Variants in ITGBL1 observed in about 807,000 individuals in gnomAD.
The protein encoded by ITGBL1 is integrin subunit beta like 1, also known as integrin beta-like protein 1.
ITGBL1 carries 51 observed loss-of-function variants against 68.5 expected under a neutral mutation model. The ratio of observed to expected loss-of-function variants is 0.74; its 90% CI spans 0.59 to 0.94. The LOEUF (loss-of-function observed/expected upper bound fraction) is 0.94. Ranked by LOEUF, ITGBL1 falls within the 40% of genes least tolerant of loss-of-function variation. The pLI is 0.00. For missense variants in ITGBL1, 649 were observed against 647.4 expected (o/e 1.00, Z -0.03); for synonymous variants, 209 against 227.3 (o/e 0.92, Z 0.72).
At chr13:101,611,048 T>G (rs540975123) in intron 7 of ITGBL1, among the ~76,000 whole-genome samples, 1 of 152,246 alleles carries the variant, frequency 6.6e-6, no homozygotes, top group Admixed American at 6.5e-5. Context: ...TCACTTGTGA[T>G]GATTTAGAAA....
chr13:101,519,436 G>T (rs2049248490), intron 2 of ITGBL1, among the ~76,000 whole-genome samples: 1 of 152,046 alleles, frequency 6.6e-6, no homozygotes, highest in Non-Finnish European at 1.5e-5. Flanking sequence ...CTACGGTACT[G>T]CCAAGTGCAG....
chr13:101,459,784 T>C (rs974380741), intron 2 of ITGBL1, among the ~76,000 whole-genome samples: 1 of 152,194 alleles, frequency 6.6e-6, no homozygotes. Flanking sequence ...AAGCCATTCT[T>C]ATAAACATTG....
intron 2 of ITGBL1, among the ~76,000 whole-genome samples, chr13:101,545,771 C>G (rs2049810819): frequency 6.6e-6 from 1 of 152,110 alleles, no homozygotes; most frequent in Non-Finnish European, 1.5e-5. Context: ...GACTCATGGA[C>G]CAGCCTATGA....
chr13:101,652,750 G>A (rs894137566), intron 7 of ITGBL1, among the ~76,000 whole-genome samples: 5 of 152,088 alleles, frequency 3.3e-5, no homozygotes, highest in African/African-American at 4.8e-5. Flanking sequence ...CAAAATGCAC[G>A]AGAAGGAAAT....
At chr13:101,622,806 C>T (rs940572682) in intron 7 of ITGBL1, among the ~76,000 whole-genome samples, 4 of 151,858 alleles carry the variant, frequency 2.6e-5, no homozygotes, top group Non-Finnish European at 5.9e-5. Flanking sequence ...TAATTTAATA[C>T]GAGGCCTCTA....
rs545317515 is a variant in ITGBL1, at chr13:101,454,780, A to G, written c.316+680A>G. On this transcript the variant is annotated intron_variant, in intron 2 of 10. Transcript: ENST00000376180. Reference sequence around the variant, plus strand: ...TAGTTCACAGGCAGGAGTGCATATCAGAAAACTGTAACAAGGAAAAAAGTA... The same window carrying G: ...TAGTTCACAGGCAGGAGTGCATATCGGAAAACTGTAACAAGGAAAAAAGTA... Among the ~76,000 whole-genome samples the G allele has an allele frequency of 3.3e-5, 5 of 152,366 alleles. No individual in the cohort carries two copies. In the South Asian group the frequency reaches 1.0e-3, roughly 32 times the overall value.
chr13:101,683,919 T>TTTG lies in ITGBL1; in HGVS notation c.1016-8651_1016-8649dup, dbSNP rs140771777. ...CCATGTCTTTAATGGATTGTATGTA[T>TTTG]TTGTTGTTGTTGTTGTTAGAGTTCT... On this transcript the variant is annotated intron_variant, in intron 7 of 10. Coordinates refer to ENST00000376180, the MANE Select transcript of ITGBL1 (RefSeq NM_004791.3). Among the ~76,000 whole-genome samples, 757 of 152,046 alleles carry TTTG rather than the reference T, an allele frequency of 5.0e-3. 1 individual carries two copies. The highest frequency in any genetic ancestry group is 8.8e-3 in the Non-Finnish European group (598 of 67,884).
chr13:101,651,669 G>GTGTA (rs985608652), intron 7 of ITGBL1, among the ~76,000 whole-genome samples: 1 of 152,076 alleles, frequency 6.6e-6, no homozygotes, highest in Admixed American at 6.6e-5. Context: ...ATGCTCTTTA[G>GTGTA]TGTAATTAGA....
At chr13:101,705,433 C>T (rs1056699977) in intron 8 of ITGBL1, among the ~76,000 whole-genome samples, 9 of 152,058 alleles carry the variant, frequency 5.9e-5, no homozygotes, top group Admixed American at 2.0e-4. Flanking sequence ...CGCATTCTCG[C>T]AAGTGTCCTT....
intron 2 of ITGBL1, among the ~76,000 whole-genome samples, chr13:101,489,167 A>G (rs996258845): frequency 6.6e-6 from 1 of 152,330 alleles, no homozygotes; most frequent in South Asian, 2.1e-4. Context: ...AGCTTTCATC[A>G]TGTCAATCTA....
chr13:101,584,758 C>G (rs978783842), intron 6 of ITGBL1, among the ~76,000 whole-genome samples: 1 of 151,898 alleles, frequency 6.6e-6, no homozygotes, highest in East Asian at 1.9e-4. Context: ...AATAAAAGAG[C>G]TCATGACTAG....
chr13:101,622,896 ATGTGTGTGTGGGGTATGTATGTG>A (rs982180139), intron 7 of ITGBL1, among the ~76,000 whole-genome samples: 9 of 139,362 alleles, frequency 6.5e-5, no homozygotes, highest in African/African-American at 1.9e-4. Context: ...TGAGGCTGGG[ATGTGTGTGTGGGGTATGTATGTG>A]TGTGTGTGTG....
Position 101,547,780 on chromosome 13 carries a change from A to C in ITGBL1, c.317-19919A>C, listed in dbSNP as rs1278752150. Among the ~76,000 whole-genome samples, 6 of 151,812 alleles carry C rather than the reference A, an allele frequency of 4.0e-5. No individual in the cohort carries two copies. In the East Asian group the frequency reaches 1.2e-3, roughly 29 times the overall value. On this transcript the variant is annotated intron_variant, in intron 2 of 10. Coordinates refer to ENST00000376180, the MANE Select transcript of ITGBL1 (RefSeq NM_004791.3). The stretch of plus-strand genomic sequence containing the variant: ...CTGCATTTACCCGGATATGACTATT[A>C]TGCGTTGTATGCCTGTATCAAAATA...
At chr13:101,689,213 A>AAAAAAAAAAAAAAAAAAAAAAT in intron 7 of ITGBL1, among the ~76,000 whole-genome samples, 1 of 34,330 alleles carries the variant, frequency 2.9e-5, no homozygotes, top group Non-Finnish European at 7.5e-5. Flanking sequence ...ACTCTGCCTA[A>AAAAAAAAAAAAAAAAAAAAAAT]AAAAAAAAAA....
chr13:101,527,733 T>C lies in ITGBL1; in HGVS notation c.317-39966T>C, dbSNP rs961267564. Among the ~76,000 whole-genome samples, 14 of 152,196 alleles carry C rather than the reference T, an allele frequency of 9.2e-5. No individual in the cohort carries two copies. The South Asian group carries it at 2.7e-3, about 29-fold the overall frequency. ...ATAATGTGCTCAACTTTCACTGATATCAAATTTCAGTTAAATTTTACTAGT... is the reference window on the plus strand; with the variant it reads ...ATAATGTGCTCAACTTTCACTGATACCAAATTTCAGTTAAATTTTACTAGT... On this transcript the variant is annotated intron_variant, in intron 2 of 10. Transcript: ENST00000376180.
intron 2 of ITGBL1, among the ~76,000 whole-genome samples, chr13:101,463,998 C>T (rs182976333): frequency 1.7e-3 from 254 of 151,344 alleles, no homozygotes; most frequent in South Asian, 4.2e-3. Context: ...AACCTCCACC[C>T]CCCGGATTCA....
At chr13:101,599,645 T>C (rs1332989624) in intron 7 of ITGBL1, among the ~76,000 whole-genome samples, 3 of 152,162 alleles carry the variant, frequency 2.0e-5, no homozygotes, top group African/African-American at 7.2e-5. Flanking sequence ...AGTTTCAGCT[T>C]TCTACATATG....
chr13:101,520,222 A>C (rs1453594775), intron 2 of ITGBL1, among the ~76,000 whole-genome samples: 2 of 152,208 alleles, frequency 1.3e-5, no homozygotes, highest in African/African-American at 4.8e-5. Context: ...GAAAAACATA[A>C]ATTTTGTGGG....
rs568103738 is a variant in ITGBL1, at chr13:101,558,083, C to CAAAA, written c.317-9586_317-9583dup. On this transcript the variant is annotated intron_variant, in intron 2 of 10. Transcript: ENST00000376180. ...TGGGAGACAGAGCAAAACTCCGTCT[C>CAAAA]AAAAAAAAAAAAAAAAAAAAAAAAA... Among the ~76,000 whole-genome samples the CAAAA allele has an allele frequency of 6.0e-4, 43 of 71,684 alleles. 2 individuals are homozygous for CAAAA. Among genetic ancestry groups the CAAAA allele is most frequent in the African/African-American group, 1.8e-3 (26 of 14,678 alleles). The allele number at this position is 71,684 out of a possible 152,430, so 47.0% of individuals were successfully genotyped here.
Sources: gnomAD v4.1 joint callset for allele counts (sites outside exome capture counted in the v4.1 genomes callset) on GRCh38, gnomAD v4.1.1 for gene constraint, MANE v1.5 for transcripts, NCBI Gene and HGNC (gene_info 2026-07-23, HGNC 2026-07-21) for gene names.